The following CAPS2 variants were observed in gnomAD, a reference collection of about 807,000 sequenced individuals.
The protein encoded by CAPS2 is calcyphosin-2.
In CAPS2, 98 loss-of-function variants were observed where a neutral mutation model predicts 86.5. That is an observed-to-expected ratio of 1.13 (90% confidence interval 0.96 to 1.34). CAPS2 has a LOEUF of 1.34. CAPS2 is among the 40% of genes most tolerant of loss of function. The pLI is 0.00. For missense variants in CAPS2, 729 were observed against 686.8 expected (o/e 1.06, Z -0.69); for synonymous variants, 210 against 225.1 (o/e 0.93, Z 0.60).
intron 8 of CAPS2, among the ~76,000 whole-genome samples, chr12:75,301,662 T>C (rs11180455): frequency 0.26 from 40,132 of 152,134 alleles, 6,516 homozygotes; most frequent in East Asian, 0.43. Flanking sequence ...GCCATATGAT[T>C]AGTAAATGGC....
chr12:75,352,734 A>C (rs1431982727), intron 1 of CAPS2, among the ~76,000 whole-genome samples: 1 of 152,192 alleles, frequency 6.6e-6, no homozygotes, highest in Non-Finnish European at 1.5e-5. Flanking sequence ...TTACTCTAAA[A>C]CTGCACATAA....
At chr12:75,334,713 T>A (rs2041594034), upstream of CAPS2, 9 of 1,608,064 alleles carry the variant, frequency 5.6e-6, no homozygotes, top group Admixed American at 1.0e-4. Context: ...ATCCTCCGCA[T>A]CCTCCACATC....
At chr12:75,319,038 C>T (rs1593505040) in intron 5 of CAPS2, among the ~76,000 whole-genome samples, 1 of 152,052 alleles carries the variant, frequency 6.6e-6, no homozygotes, top group South Asian at 2.1e-4. Flanking sequence ...TTATTTTCTA[C>T]AAAATTGCAG....
chr12:75,328,176 G>A (rs1482369861), upstream of CAPS2, among the ~76,000 whole-genome samples: 5 of 152,056 alleles, frequency 3.3e-5, no homozygotes. Context: ...TGTTTTGGAG[G>A]CCAGGGTTGG....
At chr12:75,373,232 C>A (rs1221699378) in intron 1 of CAPS2, among the ~76,000 whole-genome samples, 1 of 152,150 alleles carries the variant, frequency 6.6e-6, no homozygotes, top group Non-Finnish European at 1.5e-5. Context: ...TGTTCATGAG[C>A]CCATTGGGTG....
At chr12:75,351,502 A>C (rs1048836144) in intron 1 of CAPS2, among the ~76,000 whole-genome samples, 1 of 152,110 alleles carries the variant, frequency 6.6e-6, no homozygotes, top group African/African-American at 2.4e-5. Context: ...CAGAAATCCT[A>C]AAAACCAGAA....
At chr12:75,379,407 A>G in intron 1 of CAPS2, among the ~76,000 whole-genome samples, 1 of 152,184 alleles carries the variant, frequency 6.6e-6, no homozygotes, top group East Asian at 1.9e-4. Flanking sequence ...ATTCTGGGCC[A>G]AGGACATGTC....
intron 13 of CAPS2, among the ~76,000 whole-genome samples, chr12:75,291,492 T>C (rs1467599196): frequency 1.3e-5 from 1 of 74,372 alleles, no homozygotes; most frequent in East Asian, 2.8e-4. Flanking sequence ...TATATATATA[T>C]ATATATATAT....
intron 1 of CAPS2, among the ~76,000 whole-genome samples, chr12:75,388,298 C>T (rs2045395274): frequency 6.6e-6 from 1 of 152,194 alleles, no homozygotes; most frequent in Non-Finnish European, 1.5e-5. Flanking sequence ...GTTCATCAAA[C>T]CTCTTTCCTT....
intron 1 of CAPS2, among the ~76,000 whole-genome samples, chr12:75,364,193 A>C (rs4462386): frequency 0.87 from 132,473 of 152,142 alleles, 57,950 homozygotes; most frequent in East Asian, 1. Context: ...TTTCTGAATT[A>C]CAAAAGGGAG....
intron 1 of CAPS2, among the ~76,000 whole-genome samples, chr12:75,344,541 A>C (rs1021871919): frequency 2.6e-5 from 4 of 152,094 alleles, no homozygotes; most frequent in African/African-American, 9.7e-5. Context: ...AGCATATGAG[A>C]TAGAGTTGCA....
At chr12:75,382,394 C>T (rs2045047183) in intron 1 of CAPS2, among the ~76,000 whole-genome samples, 1 of 152,156 alleles carries the variant, frequency 6.6e-6, no homozygotes, top group African/African-American at 2.4e-5. Context: ...AATTCCAGCA[C>T]TTTGGGAGGC....
At chr12:75,367,731 T>G (rs2044078236) in intron 1 of CAPS2, among the ~76,000 whole-genome samples, 1 of 152,178 alleles carries the variant, frequency 6.6e-6, no homozygotes, top group Admixed American at 6.5e-5. Flanking sequence ...TGATGACAAA[T>G]CATGTCTTCC....
intron 7 of CAPS2, 170 bp from the exon 8 acceptor site, chr12:75,305,046 A>T: frequency 2.1e-6 from 1 of 484,670 alleles, no homozygotes; most frequent in Non-Finnish European, 3.3e-6. Context: ...TAAGAAAGTA[A>T]ATATTCCTAT....
exon 17 of CAPS2, chr12:75,278,186 A>C: frequency 1.0e-6 from 1 of 976,492 alleles, no homozygotes; most frequent in Non-Finnish European, 1.2e-6. Flanking sequence ...AGAATAAAAG[A>C]ACAAATACAA....
intron 14 of CAPS2, among the ~76,000 whole-genome samples, chr12:75,288,998 C>T (rs2035383525): frequency 6.6e-6 from 1 of 152,014 alleles, no homozygotes; most frequent in Non-Finnish European, 1.5e-5. Flanking sequence ...GGCCTGAATA[C>T]TAAGAAAACC....
chr12:75,356,377 G>C (rs1429451111), intron 1 of CAPS2, among the ~76,000 whole-genome samples: 1 of 152,008 alleles, frequency 6.6e-6, no homozygotes, highest in Non-Finnish European at 1.5e-5. Context: ...CTCTTTCAAA[G>C]ATAATTATTT....
intron 4 of CAPS2, chr12:75,322,943 T>A: frequency 8.3e-7 from 1 of 1,201,390 alleles, no homozygotes; most frequent in South Asian, 1.4e-5. Context: ...AGAATAAAAT[T>A]CTGAAAATTG....
Position 75,278,491 on chromosome 12 carries a change from G to A in CAPS2, c.*399C>T, listed in dbSNP as rs372929487. 2.6e-5 allele frequency: 26 copies of A among 987,258 alleles called. No individual in the cohort carries two copies. The African/African-American group carries it at 4.2e-4, about 16-fold the overall frequency. The allele number at this position is 987,258 out of a possible 1,614,324, so 61.2% of individuals were successfully genotyped here. ...GCAAATATATTCTGAGGAAGAGGTAGCAAAAAACAATGTGAAAGGACAGGA... is the reference window on the plus strand; with the variant it reads ...GCAAATATATTCTGAGGAAGAGGTAACAAAAAACAATGTGAAAGGACAGGA... On this transcript the variant is annotated 3_prime_UTR_variant, in exon 17 of 17. Coordinates refer to ENST00000393284, the Ensembl canonical transcript of CAPS2.
Sources: allele counts gnomAD v4.1 joint callset (sites outside exome capture counted in the v4.1 genomes callset), GRCh38; gene constraint gnomAD v4.1.1; transcripts MANE v1.5; gene names NCBI Gene and HGNC (gene_info 2026-07-23, HGNC 2026-07-21).